The following ATF7IP2 variants were observed in gnomAD, a reference collection of about 807,000 sequenced individuals.
The protein encoded by ATF7IP2 is activating transcription factor 7-interacting protein 2.
ATF7IP2 carries 42 observed loss-of-function variants against 64.2 expected under a neutral mutation model. That is an observed-to-expected ratio of 0.65 (90% CI 0.51 to 0.85). The LOEUF (loss-of-function observed/expected upper bound fraction) is 0.85. Ranked by LOEUF, ATF7IP2 falls within the 40% of genes least tolerant of loss-of-function variation. The pLI, the probability that ATF7IP2 is intolerant of heterozygous loss-of-function variation, is 0.00. For missense variants in ATF7IP2, 933 were observed against 784.2 expected (o/e 1.19, Z -2.27); for synonymous variants, 308 against 272.8 (o/e 1.13, Z -1.27).
chr16:10,387,824 T>TCCCCCCCCCCCCCCCCCCCCCCCCCC (rs5815573), intron 1 of ATF7IP2: 2 of 130,582 alleles, frequency 1.5e-5, no homozygotes, highest in African/African-American at 3.0e-5. Flanking sequence ...TCTATTTTAC[T>TCCCCCCCCCCCCCCCCCCCCCCCCCC]CCCCCCCCCT....
At chr16:10,479,189 G>C (rs1331303405) in intron 12 of ATF7IP2, among the ~76,000 whole-genome samples, 1 of 150,012 alleles carries the variant, frequency 6.7e-6, no homozygotes, top group Non-Finnish European at 1.5e-5. Flanking sequence ...CTGCTATAAA[G>C]ACACATGCAC....
rs1248349418 is a variant in ATF7IP2 at position 10,430,619 on chromosome 16, A to G, written c.-2A>G. 2 of 1,598,654 alleles carry G rather than the reference A, an allele frequency of 1.3e-6. No individual in the cohort carries two copies. The highest frequency in any genetic ancestry group is 1.7e-5 in the Admixed American group (1 of 57,972). On this transcript the variant is annotated 5_prime_UTR_variant, in exon 5 of 14. Transcript: ENST00000562102. ...GATGTCTTAAATTCCAGGATATGAA[A>G]GATGGCAAGTCCAGATAGAAGTAAA...
chr16:10,418,416 C>T (rs1373768042), intron 2 of ATF7IP2, among the ~76,000 whole-genome samples: 1 of 152,178 alleles, frequency 6.6e-6, no homozygotes, highest in African/African-American at 2.4e-5. Context: ...CTGTTCCCAA[C>T]ATGTCCCCCT....
chr16:10,479,298 A>G (rs2050126587), intron 12 of ATF7IP2, among the ~76,000 whole-genome samples: 1 of 151,772 alleles, frequency 6.6e-6, no homozygotes, highest in East Asian at 1.9e-4. Context: ...TGGCACATAT[A>G]CACCATGGAA....
chr16:10,455,526 A>G (rs2049134926), intron 8 of ATF7IP2, among the ~76,000 whole-genome samples: 1 of 152,244 alleles, frequency 6.6e-6, no homozygotes, highest in South Asian at 2.1e-4. Context: ...CAGGAAATTC[A>G]CAAAGAATTT....
At chr16:10,398,536 A>G (rs2047465171) in intron 1 of ATF7IP2, among the ~76,000 whole-genome samples, 1 of 152,196 alleles carries the variant, frequency 6.6e-6, no homozygotes, top group African/African-American at 2.4e-5. Flanking sequence ...AGCATTATTC[A>G]CAGTAGATAA....
intron 11 of ATF7IP2, 28 bp from the exon 12 acceptor site, chr16:10,473,895 T>A: frequency 4.4e-6 from 1 of 225,336 alleles, no homozygotes; most frequent in South Asian, 7.4e-5. Flanking sequence ...GAGGCAAAGC[T>A]TTTTTTTTTT....
At chr16:10,426,206 C>G (rs2048082960) in intron 3 of ATF7IP2, among the ~76,000 whole-genome samples, 1 of 152,186 alleles carries the variant, frequency 6.6e-6, no homozygotes, top group Non-Finnish European at 1.5e-5. Flanking sequence ...ATTACCATCT[C>G]AAAGATCTGT....
chr16:10,431,917 G>A (rs1056019245), intron 5 of ATF7IP2, among the ~76,000 whole-genome samples: 2 of 144,752 alleles, frequency 1.4e-5, no homozygotes, highest in Non-Finnish European at 3.0e-5. Flanking sequence ...CCCACCTCCT[G>A]GGTTCGAGTG....
At chr16:10,416,378 T>A (rs1302887368) in intron 2 of ATF7IP2, among the ~76,000 whole-genome samples, 1 of 152,208 alleles carries the variant, frequency 6.6e-6, no homozygotes, top group Non-Finnish European at 1.5e-5. Context: ...TCTCACTTAT[T>A]TGTGGGAGCT....
intron 2 of ATF7IP2, among the ~76,000 whole-genome samples, chr16:10,417,460 T>G (rs1052283147): frequency 1.3e-5 from 2 of 151,988 alleles, no homozygotes; most frequent in Non-Finnish European, 2.9e-5. Flanking sequence ...TAGCTTTAAA[T>G]CAAAAGCAGT....
intron 3 of ATF7IP2, among the ~76,000 whole-genome samples, chr16:10,422,987 G>A (rs550667411): frequency 2.0e-5 from 3 of 152,346 alleles, no homozygotes; most frequent in Admixed American, 2.0e-4. Context: ...GCTCACGCCT[G>A]TAATCCCAGC....
chr16:10,395,499 T>G (rs1030261478), intron 1 of ATF7IP2, among the ~76,000 whole-genome samples: 1 of 152,140 alleles, frequency 6.6e-6, no homozygotes, highest in South Asian at 2.1e-4. Flanking sequence ...AAAAGAAAAC[T>G]GCAGAACGAT....
At chr16:10,447,053 T>G (rs2141962555) in intron 8 of ATF7IP2, 1 of 152,354 alleles carries the variant, frequency 6.6e-6, no homozygotes, top group East Asian at 1.9e-4. Flanking sequence ...TAGAAAACCC[T>G]GACGGGACCC....
intron 3 of ATF7IP2, among the ~76,000 whole-genome samples, chr16:10,428,124 C>T (rs2048127143): frequency 6.6e-6 from 1 of 152,028 alleles, no homozygotes; most frequent in South Asian, 2.1e-4. Context: ...GAATTATAAA[C>T]TAAGTTTAGG....
intron 1 of ATF7IP2, among the ~76,000 whole-genome samples, chr16:10,393,504 C>T (rs537422918): frequency 4.6e-5 from 7 of 152,006 alleles, no homozygotes; most frequent in South Asian, 4.2e-4. Flanking sequence ...GATAGGCATT[C>T]GGTAGAATAT....
At chr16:10,462,112 T>G (rs2049392931) in intron 9 of ATF7IP2, among the ~76,000 whole-genome samples, 1 of 152,140 alleles carries the variant, frequency 6.6e-6, no homozygotes, top group African/African-American at 2.4e-5. Context: ...TATGTATTCT[T>G]TACTCGGAAT....
In ATF7IP2 at chr16:10,473,792, G is replaced by T. The variant is rs1462372360; in HGVS notation, c.1483-131G>T. 7.7e-6 allele frequency: 5 copies of T among 651,360 alleles called. No individual in the cohort carries two copies. The African/African-American group carries it at 9.2e-5, about 12-fold the overall frequency. The allele number at this position is 651,360 out of a possible 1,614,324, so 40.3% of individuals were successfully genotyped here. A position where few individuals can be genotyped will look rare whatever the true frequency, so the allele number is the denominator to read the frequency against. ...AGAGTTAAACCACAAGAGACTTAGA[G>T]AATGTTCCATCTCTAGTTTCCGAAT... On this transcript the variant is annotated intron_variant, in intron 11 of 13. Transcript: ENST00000562102.
intron 9 of ATF7IP2, among the ~76,000 whole-genome samples, chr16:10,459,258 G>A (rs1293531939): frequency 2.0e-5 from 3 of 152,066 alleles, no homozygotes; most frequent in Non-Finnish European, 4.4e-5. Flanking sequence ...CACGAGGTCA[G>A]GAGATGAAGA....
Sources: allele counts gnomAD v4.1 joint callset (sites outside exome capture counted in the v4.1 genomes callset), GRCh38; gene constraint gnomAD v4.1.1; transcripts MANE v1.5; gene names NCBI Gene and HGNC (gene_info 2026-07-23, HGNC 2026-07-21).